Variants in LLGL2 observed in about 807,000 individuals in gnomAD.
The protein encoded by LLGL2 is LLGL2, scribble cell polarity complex component.
LLGL2 carries 81 observed loss-of-function variants against 123.2 expected under a neutral mutation model. The ratio of observed to expected loss-of-function variants is 0.66; its 90% confidence interval spans 0.55 to 0.79. The LOEUF is 0.79. Among genes scored for constraint, LLGL2 ranks in the 30% least tolerant of loss-of-function variants. The pLI, the probability that LLGL2 is intolerant of heterozygous loss-of-function variation, is 0.00. For synonymous variants in LLGL2, 577 were observed against 594.1 expected (o/e 0.97, Z 0.42); for missense variants, 1,273 against 1,414.6 (o/e 0.90, Z 1.61).
intron 10 of LLGL2, among the ~76,000 whole-genome samples, chr17:75,567,071 A>C (rs2147499329): frequency 6.6e-6 from 1 of 152,320 alleles, no homozygotes; most frequent in Non-Finnish European, 1.5e-5. Context: ...GGCACCCTCA[A>C]GCCTTGGAGG....
chr17:75,527,990 T>C (rs1307015123), intron 1 of LLGL2, among the ~76,000 whole-genome samples: 1 of 152,036 alleles, frequency 6.6e-6, no homozygotes, highest in Non-Finnish European at 1.5e-5. Context: ...GGTTTTGCCA[T>C]GTTGCCCAGG....
Position 75,558,978 on chromosome 17 carries a change from C to CGCACCCCGCCTCCTCCATCG in LLGL2, c.372-255_372-254insGGCACCCCGCCTCCTCCATC, listed in dbSNP as rs1568052592. On this transcript the variant is annotated intron_variant, in intron 5 of 25. Transcript: ENST00000392550. This position sits in a 1 kb window ranked among gnomAD's most constrained non-coding sequence, Gnocchi z 4.0. ...CCATCCGCACCCCGCCTCCTCCATC[C>CGCACCCCGCCTCCTCCATCG]GCACCCCGCCTCCTCCATCTGCACC... is the stretch of plus-strand genomic sequence containing the variant. The CGCACCCCGCCTCCTCCATCG allele has an allele frequency of 5.0e-5, 16 of 320,528 alleles. No homozygotes were observed. The highest frequency in any genetic ancestry group is 1.8e-4 in the African/African-American group (4 of 22,836). The allele number at this position is 320,528 out of a possible 1,614,324, so 19.9% of individuals were successfully genotyped here.
At chr17:75,541,881 C>T (rs1054201555) in intron 1 of LLGL2, among the ~76,000 whole-genome samples, 4 of 151,798 alleles carry the variant, frequency 2.6e-5, no homozygotes, top group African/African-American at 7.3e-5. Context: ...AGGCGTCTGC[C>T]ACCACACTCG....
chr17:75,532,436 T>C (rs568568763), intron 1 of LLGL2: 20 of 152,134 alleles, frequency 1.3e-4, no homozygotes, highest in African/African-American at 4.8e-4. Context: ...TTTGTTTTTT[T>C]GTTTTGAGTC....
chr17:75,550,561 G>T (rs1416254046), intron 2 of LLGL2, among the ~76,000 whole-genome samples: 1 of 152,086 alleles, frequency 6.6e-6, no homozygotes, highest in Admixed American at 6.5e-5. Flanking sequence ...GAGGCAGGTG[G>T]ATCACTTGAG....
In LLGL2 at chr17:75,564,355, T is replaced by C; in HGVS notation, c.884T>C (p.Leu295Ser). Reference protein sequence around the residue: ...RILWLTTRQGLPFTIFQGGMP... With the variant: ...RILWLTTRQGSPFTIFQGGMP... ...TGCCGCTCCTCTGTGCCTGCCAGGT[T>C]GCCCTTCACCATCTTCCAGGGTGGC... The change falls in exon 10 of 26, where the codon TTG becomes TCG. Residue 295 changes from leucine (L) to serine (S), a missense_variant and splice_region_variant. Physicochemically the swap from Leu to Ser is moderately radical, Grantham distance 145. Transcript: ENST00000392550. This position sits in a 1 kb window ranked among gnomAD's most constrained non-coding sequence, Gnocchi z 4.9. The C allele has an allele frequency of 6.2e-7, 1 of 1,607,732 alleles. No individual in the cohort carries two copies. Among genetic ancestry groups the C allele is most frequent in the Non-Finnish European group, 8.5e-7 (1 of 1,178,160 alleles).
chr17:75,551,800 T>G (rs1283167535), intron 2 of LLGL2, among the ~76,000 whole-genome samples: 1 of 152,200 alleles, frequency 6.6e-6, no homozygotes, highest in Non-Finnish European at 1.5e-5. Context: ...AGAAGCTGCA[T>G]TGTATAATTA....
chr17:75,536,407 G>A (rs1454853131), intron 1 of LLGL2, among the ~76,000 whole-genome samples: 2 of 152,210 alleles, frequency 1.3e-5, no homozygotes, highest in Non-Finnish European at 2.9e-5. Flanking sequence ...GAATAGAAAA[G>A]TCCTTTCTAC....
intron 2 of LLGL2, among the ~76,000 whole-genome samples, chr17:75,552,350 G>C (rs376424340): frequency 1.3e-5 from 2 of 152,066 alleles, no homozygotes; most frequent in Non-Finnish European, 2.9e-5. Context: ...CTAGCTGGGC[G>C]TGGTGGTGTG....
rs1491166044 is a variant in LLGL2 at position 75,550,803 on chromosome 17, AAC to A, written c.76-5231_76-5230del. 8.4e-4 allele frequency among the ~76,000 whole-genome samples: 99 copies of A among 117,972 alleles called. 3 individuals are homozygous for A. Among genetic ancestry groups the A allele is most frequent in the African/African-American group, 3.4e-3 (91 of 26,804 alleles). The allele number at this position is 117,972 out of a possible 152,430, so 77.4% of individuals were successfully genotyped here. On this transcript the variant is annotated intron_variant, in intron 2 of 25. Coordinates refer to ENST00000392550, the MANE Select transcript of LLGL2 (RefSeq NM_001031803.2). ...CTCAAAAAAAAAAAAAAAAAAAAAA[AAC>A]ACACACACACAAACTAGGGGGCAAC...
At position 75,572,051 on chromosome 17, in the gene LLGL2, A is replaced by G; in HGVS notation, c.2447A>G (p.Glu816Gly). The change falls in exon 19 of 26, where the codon GAG becomes GGG. Residue 816 changes from glutamate (E) to glycine (G), a missense_variant. Transcript: ENST00000392550. ...QGSHQLLVVS[E>G]EQFKVFTLPK... ...AGCCACCAGCTGCTCGTCGTATCAG[A>G]GGAGCAGTTCAAGGTGCCACACGGG... The G allele has an allele frequency of 6.2e-7, 1 of 1,611,544 alleles. No homozygotes were observed. The highest frequency in any genetic ancestry group is 8.5e-7 in the Non-Finnish European group (1 of 1,179,954).
At chr17:75,531,643 G>A (rs1157145975) in intron 1 of LLGL2, among the ~76,000 whole-genome samples, 2 of 152,220 alleles carry the variant, frequency 1.3e-5, no homozygotes, top group Non-Finnish European at 2.9e-5. Context: ...AGAAAACTGG[G>A]GACAGGGCAG....
chr17:75,562,808 G>C (rs1393968413), intron 6 of LLGL2: 1 of 603,956 alleles, frequency 1.7e-6, no homozygotes, highest in African/African-American at 1.9e-5. Flanking sequence ...GACCTCAAGT[G>C]GCCTGCCCAC....
chr17:75,573,448 G>C (rs2055820689), intron 20 of LLGL2, 33 bp from the exon 21 acceptor site: 1 of 1,593,826 alleles, frequency 6.3e-7, no homozygotes, highest in Non-Finnish European at 8.6e-7. Flanking sequence ...GCAGCCGCCA[G>C]GCCAGGCCGC....
At chr17:75,556,003 G>C (rs761372858) in intron 2 of LLGL2, 43 bp from the exon 3 acceptor site, 43 of 1,500,166 alleles carry the variant, frequency 2.9e-5, no homozygotes, top group Non-Finnish European at 3.9e-5. Context: ...GTGGCGCGAA[G>C]GGGACAGGTC....
chr17:75,563,448 A>G lies in LLGL2; in HGVS notation c.811A>G (p.Ser271Gly). ...AGCCCAGCAACCAGAGCCCCTCCGC[A>G]GCCTCGTGCCTTACGGTCAGTGTTT... The part of the protein sequence containing the change: ...SEAQQPEPLR[S>G]LVPYGPFPCK... Residue 271 changes from serine to glycine, a missense_variant, in exon 8 of 26, where the codon AGC (serine) becomes GGC (glycine). Coordinates refer to ENST00000392550, the MANE Select transcript of LLGL2 (RefSeq NM_001031803.2). 1 of 1,612,604 alleles carries G rather than the reference A, an allele frequency of 6.2e-7. No homozygotes were observed. Among genetic ancestry groups the G allele is most frequent in the South Asian group, 1.1e-5 (1 of 91,070 alleles).
chr17:75,536,165 G>A (rs992921957), intron 1 of LLGL2, among the ~76,000 whole-genome samples: 11 of 152,178 alleles, frequency 7.2e-5, no homozygotes, highest in African/African-American at 2.4e-4. Flanking sequence ...AAGTTAGTGG[G>A]GTGGAGAAGG....
In LLGL2 at chr17:75,570,175, T is replaced by C. The variant is rs776942164; in HGVS notation, c.1794T>C (p.Ser598=). The change falls in exon 15 of 26, where the codon TCT becomes TCC. Residue 598 remains serine, a synonymous_variant. Coordinates refer to ENST00000392550, the MANE Select transcript of LLGL2 (RefSeq NM_001031803.2). ...PAVVTSLALH[S]EWRLVAFGTS... The stretch of plus-strand genomic sequence containing the variant: ...TGGTCACCTCCTTGGCCCTGCACTC[T>C]GAGTGGCGGCTCGTGGCCTTCGGCA... The C allele has an allele frequency of 1.9e-6, 3 of 1,594,808 alleles. No individual in the cohort carries two copies. In the Admixed American group the frequency reaches 5.4e-5, roughly 28 times the overall value.
intron 1 of LLGL2, 193 bp from the exon 2 acceptor site, chr17:75,543,204 C>T (rs2054283416): frequency 2.6e-6 from 1 of 380,618 alleles, no homozygotes; most frequent in African/African-American, 2.1e-5. Flanking sequence ...GCCTTCAGCC[C>T]TGAGGTGGGC....
Sources: allele counts gnomAD v4.1 joint callset (sites outside exome capture counted in the v4.1 genomes callset), GRCh38; gene constraint gnomAD v4.1.1; non-coding constraint Gnocchi (gnomAD v3.1); transcripts MANE v1.5; gene names NCBI Gene and HGNC (gene_info 2026-07-23, HGNC 2026-07-21).